Variants in VIPR1 observed in about 807,000 individuals in gnomAD.
The protein encoded by VIPR1 is vasoactive intestinal peptide receptor 1, also known as vasoactive intestinal polypeptide receptor 1.
VIPR1 carries 59 observed loss-of-function variants against 58.8 expected under a neutral mutation model. The ratio of observed to expected loss-of-function variants is 1.00; its 90% CI spans 0.81 to 1.25. The LOEUF (loss-of-function observed/expected upper bound fraction) is 1.25, where lower values mean the gene tolerates loss of function less well. Ranked by LOEUF, VIPR1 falls within the 50% of genes most tolerant of loss-of-function variation. VIPR1 has a pLI of 0.00. For missense variants in VIPR1, 626 were observed against 602.7 expected (o/e 1.04, Z -0.40); for synonymous variants, 251 against 242.1 (o/e 1.04, Z -0.34).
upstream of VIPR1, among the ~76,000 whole-genome samples, chr3:42,499,425 C>T (rs574741086): frequency 1.4e-4 from 22 of 152,344 alleles, no homozygotes; most frequent in East Asian, 3.9e-3. Context: ...CCTGTTGTCA[C>T]GGGGGATGGC....
intron 9 of VIPR1, 72 bp downstream of exon 9, chr3:42,531,941 A>G: frequency 6.4e-7 from 1 of 1,554,076 alleles, no homozygotes; most frequent in Non-Finnish European, 8.9e-7. Flanking sequence ...CCAAGGTCAC[A>G]TGGGAAATTA....
upstream of VIPR1, chr3:42,501,916 C>G (rs2125627803): frequency 6.6e-6 from 1 of 152,370 alleles, no homozygotes; most frequent in East Asian, 1.9e-4. This position sits in a 1 kb window ranked among gnomAD's most constrained non-coding sequence, Gnocchi z 4.8. Context: ...GCGGACACCT[C>G]ATCCTCCCTG....
In VIPR1 at chr3:42,513,805, G is replaced by A. The variant is rs1700481945; in HGVS notation, c.135G>A (p.Val45=). ...EECDYVQMIE[V]QHKQCLEEAQ... is the part of the protein sequence containing the mutation. ...GTGACTATGTGCAGATGATCGAGGT[G>A]CAGCACAAGCAGTGCCTGGAGGAGG... The change falls in exon 2 of 13, where the codon GTG becomes GTA. Residue 45 remains valine (V), a synonymous_variant. Coordinates refer to ENST00000325123, the MANE Select transcript of VIPR1 (RefSeq NM_004624.4). The A allele has an allele frequency of 1.3e-6, 2 of 1,551,562 alleles. No homozygotes were observed. The highest frequency in any genetic ancestry group is 2.7e-5 in the African/African-American group (2 of 73,038).
intron 8 of VIPR1, 93 bp from the exon 9 acceptor site, chr3:42,531,710 C>G (rs1701564980): frequency 6.3e-7 from 1 of 1,582,154 alleles, no homozygotes; most frequent in East Asian, 2.2e-5. Flanking sequence ...CTAAAGTGCT[C>G]AGGAGCAGAG....
upstream of VIPR1, among the ~76,000 whole-genome samples, chr3:42,497,771 C>T (rs890175535): frequency 1.3e-5 from 2 of 152,200 alleles, no homozygotes; most frequent in African/African-American, 4.8e-5. Flanking sequence ...CTCTGCACAA[C>T]CCCTTTTTGC....
intron 6 of VIPR1, chr3:42,528,574 TC>T (rs997863902): frequency 8.0e-5 from 15 of 187,864 alleles, no homozygotes; most frequent in African/African-American, 3.0e-4. Context: ...ACTCCCCCCG[TC>T]CCCGTGCCAT....
intron 2 of VIPR1, chr3:42,516,962 G>C (rs1700658718): frequency 6.6e-6 from 1 of 152,248 alleles, no homozygotes; most frequent in Admixed American, 6.5e-5. Context: ...AGCAGGGTTT[G>C]ACTGACCTGA....
rs1701865809 is a variant in VIPR1, at chr3:42,536,638, A to C, written c.*357A>C. On this transcript the variant is annotated 3_prime_UTR_variant, in exon 13 of 13. Coordinates refer to ENST00000325123, the MANE Select transcript of VIPR1 (RefSeq NM_004624.4). ...CTCTTCTGCCCAATTGGAGGAAAGC[A>C]ACCGGTGGATCCTCAAACAACACTG... 1 of 204,272 alleles carries C rather than the reference A, an allele frequency of 4.9e-6. No homozygotes were observed. The highest frequency in any genetic ancestry group is 2.3e-5 in the African/African-American group (1 of 43,388). 12.7% of individuals were successfully genotyped at this position (204,272 alleles called of 1,614,324 possible). A position where few individuals can be genotyped will look rare whatever the true frequency, so the allele number is the denominator to read the frequency against.
At chr3:42,512,777 T>G (rs1473388763) in intron 1 of VIPR1, 1 of 984,860 alleles carries the variant, frequency 1.0e-6, no homozygotes, top group Non-Finnish European at 1.2e-6. Flanking sequence ...TGGTGTGGGG[T>G]TGCCGGGGCC....
At chr3:42,497,775 T>G (rs1435238321), upstream of VIPR1, among the ~76,000 whole-genome samples, 4 of 152,206 alleles carry the variant, frequency 2.6e-5, no homozygotes, top group Admixed American at 2.6e-4. Context: ...GCACAACCCC[T>G]TTTTGCCTGC....
At chr3:42,528,374 C>T in intron 6 of VIPR1, 1 of 539,598 alleles carries the variant, frequency 1.9e-6, no homozygotes, top group South Asian at 2.4e-5. Flanking sequence ...GTGAGAAAAG[C>T]AGATGGGAAA....
chr3:42,502,781 G>T lies in VIPR1; in HGVS notation c.46G>T (p.Ala16Ser). ...GCCCGCCCGCTGGCTATGCGTGCTGGCAGGCGCCCTCGCCTGGGCCCTTGG... is the reference window on the plus strand; with the variant it reads ...GCCCGCCCGCTGGCTATGCGTGCTGTCAGGCGCCCTCGCCTGGGCCCTTGG... ...PLPARWLCVLAGALAWALGPA... is the reference protein window; with the variant it reads ...PLPARWLCVLSGALAWALGPA... Residue 16 changes from alanine to serine, a missense_variant, in exon 1 of 13, where the codon GCA becomes TCA. Coordinates refer to ENST00000325123, the MANE Select transcript of VIPR1 (RefSeq NM_004624.4). 3 of 1,287,830 alleles carry T rather than the reference G, an allele frequency of 2.3e-6. No individual in the cohort carries two copies. 79.8% of individuals were successfully genotyped at this position (1,287,830 alleles called of 1,614,324 possible).
chr3:42,535,468 C>T, intron 12 of VIPR1, 84 bp downstream of exon 12: 1 of 1,463,322 alleles, frequency 6.8e-7, no homozygotes, highest in Admixed American at 1.7e-5. Flanking sequence ...ATGTGCAGAG[C>T]AAGGACGGGT....
chr3:42,534,962 C>A lies in VIPR1; in HGVS notation c.1011-13C>A, dbSNP rs754824062. On this transcript the variant is annotated splice_polypyrimidine_tract_variant and intron_variant, in intron 10 of 12. Transcript: ENST00000325123. ...ACACACATACCCATGGCCTGTCCCT[C>A]CCCTGTCTCCAGAAGGCTAGCCAGG... 1.2e-6 allele frequency: 2 copies of A among 1,614,078 alleles called. No homozygotes were observed. Among genetic ancestry groups the A allele is most frequent in the South Asian group, 1.1e-5 (1 of 91,054 alleles).
chr3:42,514,541 CCACACACACA>C (rs111610459), intron 2 of VIPR1, among the ~76,000 whole-genome samples: 1 of 144,080 alleles, frequency 6.9e-6, no homozygotes, highest in Non-Finnish European at 1.5e-5. Flanking sequence ...GATAGTGACA[CCACACACACA>C]CACACACACA....
chr3:42,518,500 A>G (rs538440842), intron 2 of VIPR1, among the ~76,000 whole-genome samples: 2 of 152,308 alleles, frequency 1.3e-5, no homozygotes, highest in East Asian at 1.9e-4. Context: ...GCACTTTGGG[A>G]GGCCAAGGTG....
intron 1 of VIPR1, among the ~76,000 whole-genome samples, chr3:42,510,210 C>T (rs1379173396): frequency 1.3e-5 from 2 of 152,228 alleles, no homozygotes; most frequent in Admixed American, 6.5e-5. Flanking sequence ...ACACGCTGCT[C>T]TACTTTCTGG....
At chr3:42,504,113 C>T (rs921412088) in intron 1 of VIPR1, among the ~76,000 whole-genome samples, 4 of 152,134 alleles carry the variant, frequency 2.6e-5, no homozygotes, top group Non-Finnish European at 5.9e-5. Flanking sequence ...TCCCAGAGGC[C>T]ACAGCTCTGG....
chr3:42,508,678 T>A (rs1465586163), intron 1 of VIPR1: 2 of 152,228 alleles, frequency 1.3e-5, no homozygotes, highest in African/African-American at 4.8e-5. Flanking sequence ...TCCTTTCTTT[T>A]GTGACTCCTG....
Sources: gnomAD v4.1 joint callset for allele counts (sites outside exome capture counted in the v4.1 genomes callset) on GRCh38, gnomAD v4.1.1 for gene constraint, Gnocchi (gnomAD v3.1) non-coding constraint, MANE v1.5 for transcripts, NCBI Gene and HGNC (gene_info 2026-07-23, HGNC 2026-07-21) for gene names.